The following CNTNAP2 variants were observed in gnomAD, a reference collection of about 807,000 sequenced individuals.
CNTNAP2 encodes contactin associated protein 2, also known as contactin-associated protein-like 2.
A neutral mutation model predicts 155.2 loss-of-function variants in CNTNAP2; 98 were observed. The observed-to-expected ratio is 0.63, with a 90% confidence interval of 0.54 to 0.75. The LOEUF (loss-of-function observed/expected upper bound fraction) is 0.75, where lower values mean the gene tolerates loss of function less well. Among genes scored for constraint, CNTNAP2 ranks in the 30% least tolerant of loss-of-function variants. The probability of loss-of-function intolerance (pLI) is 0.00; values close to 1 mark genes in which losing one functional copy is unlikely to be tolerated. For synonymous variants in CNTNAP2, 651 were observed against 631.2 expected (o/e 1.03, Z -0.47); for missense variants, 1,727 against 1,688.1 (o/e 1.02, Z -0.40).
At chr7:146,293,102 A>C (rs802529) in intron 1 of CNTNAP2, among the ~76,000 whole-genome samples, 27,161 of 152,108 alleles carry the variant, frequency 0.18, 6,447 homozygotes, top group African/African-American at 0.55. Flanking sequence ...AGTTTGTGTC[A>C]CATAAATATA....
intron 8 of CNTNAP2, among the ~76,000 whole-genome samples, chr7:147,149,748 G>T (rs1801789284): frequency 6.6e-6 from 1 of 152,150 alleles, no homozygotes; most frequent in African/African-American, 2.4e-5. Context: ...TAGAACAGAA[G>T]GTTATACAGA....
rs563502999 is a variant in CNTNAP2 at position 146,568,590 on chromosome 7, T to C, written c.98-205681T>C. Among the ~76,000 whole-genome samples, 6 of 152,340 alleles carry C rather than the reference T, an allele frequency of 3.9e-5. No individual in the cohort carries two copies. The East Asian group carries it at 1.2e-3, about 29-fold the overall frequency. Reference sequence around the variant, plus strand: ...AAATTATGCAGGTTTAAAATCTTTCTCTTATTTTGCTGCATTCTTGTGAAG... The same window carrying C: ...AAATTATGCAGGTTTAAAATCTTTCCCTTATTTTGCTGCATTCTTGTGAAG... On this transcript the variant is annotated intron_variant, in intron 1 of 23. Coordinates refer to ENST00000361727, the MANE Select transcript of CNTNAP2 (RefSeq NM_014141.6).
In CNTNAP2 at chr7:146,673,587, T is replaced by A. The variant is rs1426721578; in HGVS notation, c.98-100684T>A. 3.9e-5 allele frequency among the ~76,000 whole-genome samples: 6 copies of A among 152,184 alleles called. 1 individual carries two copies. Among genetic ancestry groups the A allele is most frequent in the Admixed American group, 2.0e-4 (3 of 15,272 alleles). On this transcript the variant is annotated intron_variant, in intron 1 of 23. Transcript: ENST00000361727. The stretch of plus-strand genomic sequence containing the variant: ...TCCCATTACGACAACCATACTTCAA[T>A]CACACACAGGGTCCACCTGTTCAAA...
At chr7:147,743,195 T>A (rs1239523306) in intron 13 of CNTNAP2, among the ~76,000 whole-genome samples, 1 of 152,174 alleles carries the variant, frequency 6.6e-6, no homozygotes, top group Non-Finnish European at 1.5e-5. Context: ...AGCTCCTCCA[T>A]TACCTGGTCA....
At position 146,387,865 on chromosome 7, in the gene CNTNAP2, T is replaced by G. The variant is rs373523701; in HGVS notation, c.97+270892T>G. Among the ~76,000 whole-genome samples the G allele has an allele frequency of 2.2e-3, 333 of 152,242 alleles. 10 individuals are homozygous for G. The South Asian group carries it at 0.065, about 30-fold the overall frequency. On this transcript the variant is annotated intron_variant, in intron 1 of 23. Coordinates refer to ENST00000361727, the MANE Select transcript of CNTNAP2 (RefSeq NM_014141.6). The stretch of plus-strand genomic sequence containing the variant: ...GTCAAAGAATTCCTTTAGTTTACCT[T>G]TCCTCTCGATAAATCTAGACATTTA...
At chr7:147,600,632 T>A (rs1253533451) in intron 12 of CNTNAP2, among the ~76,000 whole-genome samples, 1 of 152,228 alleles carries the variant, frequency 6.6e-6, no homozygotes, top group Non-Finnish European at 1.5e-5. Context: ...CTGCCAAGTC[T>A]TGTTCCCTCT....
At chr7:147,818,492 A>T (rs1039980202) in intron 13 of CNTNAP2, among the ~76,000 whole-genome samples, 2 of 152,116 alleles carry the variant, frequency 1.3e-5, no homozygotes, top group African/African-American at 2.4e-5. Context: ...GTGCCAAGTG[A>T]TGGATGCCCC....
chr7:147,566,110 A>G (rs921219996), intron 12 of CNTNAP2, among the ~76,000 whole-genome samples: 2 of 135,246 alleles, frequency 1.5e-5, no homozygotes, highest in African/African-American at 2.9e-5. Context: ...GTGAGACCCT[A>G]TCTCTACCAA....
intron 1 of CNTNAP2, among the ~76,000 whole-genome samples, chr7:146,161,264 T>TG (rs1480395015): frequency 6.6e-6 from 1 of 152,148 alleles, no homozygotes; most frequent in Non-Finnish European, 1.5e-5. Flanking sequence ...CGCAAAAACT[T>TG]GAAGCATTCC....
chr7:147,541,450 C>CTGT (rs202040003), intron 11 of CNTNAP2, among the ~76,000 whole-genome samples: 2 of 152,150 alleles, frequency 1.3e-5, no homozygotes, highest in Admixed American at 6.6e-5. Context: ...GCTCAAACAG[C>CTGT]TGTTGTTGTT....
intron 1 of CNTNAP2, among the ~76,000 whole-genome samples, chr7:146,761,757 C>T (rs1802105080): frequency 1.3e-5 from 2 of 151,914 alleles, no homozygotes; most frequent in Non-Finnish European, 2.9e-5. Context: ...TGCGATTATC[C>T]CATTGCTTAT....
chr7:147,248,901 T>C (rs1193933850), intron 8 of CNTNAP2, among the ~76,000 whole-genome samples: 1 of 152,208 alleles, frequency 6.6e-6, no homozygotes, highest in Admixed American at 6.5e-5. Flanking sequence ...AGCTGTCTTA[T>C]AATTGAGTCA....
At chr7:146,238,531 T>C (rs1799510608) in intron 1 of CNTNAP2, among the ~76,000 whole-genome samples, 1 of 152,146 alleles carries the variant, frequency 6.6e-6, no homozygotes, top group African/African-American at 2.4e-5. Context: ...TGTATAATTA[T>C]ATGAATGATA....
chr7:147,246,094 C>CATATATATATATACATATATATGGCAT (rs1563132035), intron 8 of CNTNAP2, among the ~76,000 whole-genome samples: 104 of 147,884 alleles, frequency 7.0e-4, no homozygotes, highest in African/African-American at 2.3e-3. Flanking sequence ...ATATATATGG[C>CATATATATATATACATATATATGGCAT]ATATATATAT....
chr7:148,355,165 G>GTTTTTTTTTT (rs1563055120), intron 21 of CNTNAP2, among the ~76,000 whole-genome samples: 1 of 27,804 alleles, frequency 3.6e-5, no homozygotes, highest in African/African-American at 1.7e-4. Flanking sequence ...GCCGCCAGCT[G>GTTTTTTTTTT]CTTTTTTTTT....
intron 15 of CNTNAP2, 87 bp downstream of exon 15, chr7:147,978,076 A>T (rs367819876): frequency 2.8e-5 from 44 of 1,545,074 alleles, no homozygotes; most frequent in East Asian, 1.4e-4. Context: ...CTGCAATCAG[A>T]CTTGCTCTCC....
intron 7 of CNTNAP2, among the ~76,000 whole-genome samples, chr7:147,131,500 G>A (rs1453961917): frequency 2.6e-5 from 4 of 151,640 alleles, no homozygotes; most frequent in African/African-American, 9.7e-5. Context: ...CCAAGGAGGA[G>A]GAGTATAGAA....
intron 1 of CNTNAP2, among the ~76,000 whole-genome samples, chr7:146,686,844 C>G (rs895870820): frequency 2.0e-5 from 3 of 152,142 alleles, no homozygotes; most frequent in African/African-American, 7.2e-5. Context: ...AGCTTTGGAA[C>G]AGATTCAGCC....
intron 9 of CNTNAP2, among the ~76,000 whole-genome samples, chr7:147,331,468 G>A (rs1470708478): frequency 1.3e-5 from 2 of 151,960 alleles, no homozygotes; most frequent in Non-Finnish European, 2.9e-5. Flanking sequence ...GATAATTTGG[G>A]AGCACCAATA....
Sources: allele counts gnomAD v4.1 joint callset (sites outside exome capture counted in the v4.1 genomes callset), GRCh38; gene constraint gnomAD v4.1.1; transcripts MANE v1.5; gene names NCBI Gene and HGNC (gene_info 2026-07-23, HGNC 2026-07-21).